SHPRH: variants seen among roughly 807,000 people sequenced by gnomAD.
SHPRH encodes the protein SNF2 histone linker PHD RING helicase.
Under a neutral mutation model 202.5 loss-of-function variants are expected in SHPRH, and 106 were observed. The ratio of observed to expected loss-of-function variants is 0.52; its 90% CI spans 0.45 to 0.62. SHPRH has a LOEUF of 0.62. Among genes scored for constraint, SHPRH ranks in the 20% least tolerant of loss-of-function variants. SHPRH has a pLI of 0.00. For synonymous variants in SHPRH, 729 were observed against 686.0 expected (o/e 1.06, Z -0.98); for missense variants, 1,710 against 2,020.0 (o/e 0.85, Z 2.94).
intron 8 of SHPRH, 24 bp from the exon 9 acceptor site, chr6:145,943,826 T>C (rs1787067757): frequency 2.6e-6 from 4 of 1,532,026 alleles, no homozygotes; most frequent in South Asian, 1.3e-5. Flanking sequence ...ATTTAATTAA[T>C]TGATTGCAAC....
At chr6:145,949,046 T>TA (rs1364718845) in intron 4 of SHPRH, among the ~76,000 whole-genome samples, 1 of 151,954 alleles carries the variant, frequency 6.6e-6, no homozygotes, top group Non-Finnish European at 1.5e-5. Flanking sequence ...AAATGGCCAT[T>TA]AAAAATTCAA....
chr6:145,922,260 G>T, intron 20 of SHPRH, 26 bp downstream of exon 20: 1 of 1,572,052 alleles, frequency 6.4e-7, no homozygotes, highest in Admixed American at 1.9e-5. Context: ...TTTTCTTGAT[G>T]GGTAATAATC....
At chr6:145,946,739 A>C (rs1303219337) in intron 6 of SHPRH, among the ~76,000 whole-genome samples, 2 of 150,596 alleles carry the variant, frequency 1.3e-5, no homozygotes, top group Non-Finnish European at 3.0e-5. Context: ...TCTACAAAAA[A>C]AACATTTTTT....
chr6:145,886,377 G>C lies in SHPRH; in HGVS notation c.*314C>G. The C allele has an allele frequency of 1.4e-6, 1 of 712,240 alleles. No individual in the cohort carries two copies. The highest frequency in any genetic ancestry group is 2.5e-5 in the East Asian group (1 of 39,806). 44.1% of individuals were successfully genotyped at this position (712,240 alleles called of 1,614,324 possible). ...TTCTTATTCCAACTGTTTTATGAGT[G>C]ATCTTATCATAAGAAAAGTACACAT... On this transcript the variant is annotated 3_prime_UTR_variant, in exon 30 of 30. Transcript: ENST00000275233.
intron 22 of SHPRH, chr6:145,918,935 G>A (rs1784183643): frequency 6.4e-6 from 1 of 155,492 alleles, no homozygotes. Context: ...GTTAATATTA[G>A]TTCATCATTA....
At chr6:145,915,294 A>G (rs897722321) in intron 23 of SHPRH, among the ~76,000 whole-genome samples, 3 of 151,274 alleles carry the variant, frequency 2.0e-5, no homozygotes, top group Non-Finnish European at 4.4e-5. Context: ...TTAGTTCTAT[A>G]TAAGTTGTAT....
intron 29 of SHPRH, among the ~76,000 whole-genome samples, chr6:145,887,365 C>T (rs1427259134): frequency 6.6e-6 from 1 of 151,916 alleles, no homozygotes; most frequent in East Asian, 1.9e-4. Context: ...TACCTACCTC[C>T]TAAAGATGTA....
At position 145,941,887 on chromosome 6, in the gene SHPRH, C is replaced by G. The variant is rs756428428; in HGVS notation, c.2239-13G>C. The G allele has an allele frequency of 6.2e-7, 1 of 1,611,406 alleles. No individual in the cohort carries two copies. Among genetic ancestry groups the G allele is most frequent in the Admixed American group, 1.7e-5 (1 of 59,812 alleles). ...CTCCTTGATATACCTAGGAAATAATCAATACAGGCAGTTATTGCAAAAAGG... is the reference window on the plus strand; with the variant it reads ...CTCCTTGATATACCTAGGAAATAATGAATACAGGCAGTTATTGCAAAAAGG... On this transcript the variant is annotated splice_polypyrimidine_tract_variant and intron_variant, in intron 9 of 29. Coordinates refer to ENST00000275233, the MANE Select transcript of SHPRH (RefSeq NM_001042683.3).
Position 145,933,175 on chromosome 6 carries a change from G to A in SHPRH, c.2994C>T (p.Thr998=). The A allele has an allele frequency of 6.2e-7, 1 of 1,613,794 alleles. No homozygotes were observed. Among genetic ancestry groups the A allele is most frequent in the South Asian group, 1.1e-5 (1 of 91,070 alleles). ...RGEFLPLQKS[T]MTMEELLTSL... The stretch of plus-strand genomic sequence containing the variant: ...ATGTCAGCAGCTCTTCCATTGTCAT[G>A]GTGCTAAAAGAAAAGGTAGACTGTT... The change falls in exon 14 of 30, where the codon ACC becomes ACT. Residue 998 remains threonine (T), a synonymous_variant. Coordinates refer to ENST00000275233, the MANE Select transcript of SHPRH (RefSeq NM_001042683.3).
intron 2 of SHPRH, among the ~76,000 whole-genome samples, chr6:145,879,527 C>A (rs1780456460): frequency 6.6e-6 from 1 of 152,124 alleles, no homozygotes; most frequent in Non-Finnish European, 1.5e-5. Context: ...TCACTATCTC[C>A]TTTGATAGTT....
chr6:145,947,765 A>G, intron 5 of SHPRH, 122 bp from the exon 6 acceptor site: 2 of 1,229,994 alleles, frequency 1.6e-6, no homozygotes. Context: ...TTGAAACTAT[A>G]TTTTAGGGCA....
chr6:145,862,455 C>A (rs1465555682), downstream of SHPRH, among the ~76,000 whole-genome samples: 1 of 150,312 alleles, frequency 6.7e-6, no homozygotes, highest in Non-Finnish European at 1.5e-5. Flanking sequence ...ACAAAAACAA[C>A]AACAACAAAA....
chr6:145,932,483 A>G (rs1785572921), intron 14 of SHPRH, among the ~76,000 whole-genome samples: 1 of 141,108 alleles, frequency 7.1e-6, no homozygotes, highest in South Asian at 2.1e-4. Flanking sequence ...AATATATAAC[A>G]CTATAACTTT....
At chr6:145,878,450 T>C (rs866550373) in intron 2 of SHPRH, among the ~76,000 whole-genome samples, 1 of 152,238 alleles carries the variant, frequency 6.6e-6, no homozygotes, top group Non-Finnish European at 1.5e-5. Flanking sequence ...TGTTTATTCA[T>C]TCCTTCCTCC....
rs1027616176 is a variant in SHPRH at position 145,895,113 on chromosome 6, A to C, written c.4516-136T>G. 1.4e-4 allele frequency: 97 copies of C among 685,688 alleles called. 1 individual carries two copies. The highest frequency in any genetic ancestry group is 1.9e-4 in the Non-Finnish European group (80 of 429,190). 42.5% of individuals were successfully genotyped at this position (685,688 alleles called of 1,614,324 possible). Reference sequence around the variant, plus strand: ...CAAATTATCAGGTGCATATGTGTTTACTCTTTTTCATTTTGTGTTTGCTGG... The same window carrying C: ...CAAATTATCAGGTGCATATGTGTTTCCTCTTTTTCATTTTGTGTTTGCTGG... On this transcript the variant is annotated intron_variant, in intron 25 of 29. Coordinates refer to ENST00000275233, the MANE Select transcript of SHPRH (RefSeq NM_001042683.3).
At chr6:145,955,847 A>C (rs1035154754) in intron 1 of SHPRH, among the ~76,000 whole-genome samples, 1 of 152,074 alleles carries the variant, frequency 6.6e-6, no homozygotes, top group Non-Finnish European at 1.5e-5. Flanking sequence ...CCCAGAAAAG[A>C]CACAGATGAT....
Position 145,946,338 on chromosome 6 carries a change from T to C in SHPRH, c.1216A>G (p.Lys406Glu). The change falls in exon 7 of 30, where the codon AAA becomes GAA. Residue 406 changes from lysine (K) to glutamate (E), a missense_variant. Physicochemically the swap from Lys to Glu is moderately conservative, Grantham distance 56. Coordinates refer to ENST00000275233, the MANE Select transcript of SHPRH (RefSeq NM_001042683.3). ...KQDALTLPEGKVVNYFIPSHY... is the reference protein window; with the variant it reads ...KQDALTLPEGEVVNYFIPSHY... ...GACGGAATAAAATAATTCACCACTTTTCCCTGATACAAACAACAGTCAGTA... is the reference window on the plus strand; with the variant it reads ...GACGGAATAAAATAATTCACCACTTCTCCCTGATACAAACAACAGTCAGTA... 6.2e-7 allele frequency: 1 copy of C among 1,602,144 alleles called. No homozygotes were observed. Among genetic ancestry groups the C allele is most frequent in the South Asian group, 1.1e-5 (1 of 89,614 alleles).
intron 21 of SHPRH, among the ~76,000 whole-genome samples, chr6:145,920,233 G>C (rs562766181): frequency 6.6e-6 from 1 of 152,164 alleles, no homozygotes; most frequent in East Asian, 1.9e-4. Flanking sequence ...CAGAAAATAT[G>C]TACCAAGACC....
rs190156487 is a variant in SHPRH at position 145,956,478 on chromosome 6, A to T, written c.-32-1124T>A. Among the ~76,000 whole-genome samples, 478 of 152,280 alleles carry T rather than the reference A, an allele frequency of 3.1e-3. 6 individuals carry two copies. The highest frequency in any genetic ancestry group is 6.8e-3 in the Middle Eastern group (2 of 294). The stretch of plus-strand genomic sequence containing the variant: ...CTAAACCCAGCAAAATATCTTTCAA[A>T]AATGAAGGTGAAAAAAAGATCAACA... On this transcript the variant is annotated intron_variant, in intron 1 of 29. Coordinates refer to ENST00000275233, the MANE Select transcript of SHPRH (RefSeq NM_001042683.3).
Sources: gnomAD v4.1 joint callset for allele counts (sites outside exome capture counted in the v4.1 genomes callset) on GRCh38, gnomAD v4.1.1 for gene constraint, MANE v1.5 for transcripts, NCBI Gene and HGNC (gene_info 2026-07-23, HGNC 2026-07-21) for gene names.